SEMA5B: variants seen among roughly 807,000 people sequenced by gnomAD.
SEMA5B encodes the protein semaphorin-5B.
A neutral mutation model predicts 135.0 loss-of-function variants in SEMA5B; 66 were observed. The observed-to-expected ratio is 0.49, with a 90% CI of 0.40 to 0.60. The LOEUF (loss-of-function observed/expected upper bound fraction) is 0.60. Ranked by LOEUF, SEMA5B falls within the 20% of genes least tolerant of loss-of-function variation. The probability of loss-of-function intolerance (pLI) is 0.00; values close to 1 mark genes in which losing one functional copy is unlikely to be tolerated. For synonymous variants in SEMA5B, 690 were observed against 639.5 expected (o/e 1.08, Z -1.19); for missense variants, 1,501 against 1,566.3 (o/e 0.96, Z 0.70).
intron 5 of SEMA5B, among the ~76,000 whole-genome samples, chr3:122,938,857 G>A (rs992844505): frequency 1.3e-5 from 2 of 152,172 alleles, no homozygotes; most frequent in African/African-American, 2.4e-5. Flanking sequence ...CCATTAAAAC[G>A]CCTCTCAGAG....
intron 1 of SEMA5B, among the ~76,000 whole-genome samples, chr3:123,005,538 T>C (rs979090035): frequency 2.0e-5 from 3 of 152,164 alleles, no homozygotes; most frequent in African/African-American, 4.8e-5. Flanking sequence ...ATTTTTTGTA[T>C]GTTTTTAGAG....
intron 1 of SEMA5B, chr3:122,976,042 C>T: frequency 1.3e-6 from 2 of 1,535,138 alleles, no homozygotes; most frequent in Non-Finnish European, 1.7e-6. Flanking sequence ...GTAGAATGCC[C>T]TCTCCCAAAT....
At chr3:122,969,464 G>A (rs572875209) in intron 1 of SEMA5B, among the ~76,000 whole-genome samples, 12 of 152,286 alleles carry the variant, frequency 7.9e-5, no homozygotes, top group Admixed American at 2.6e-4. Flanking sequence ...TCCTCCCTGC[G>A]TCCTATCCCG....
chr3:122,961,391 AC>A, intron 1 of SEMA5B, 90 bp from the exon 2 acceptor site: 1 of 1,175,976 alleles, frequency 8.5e-7, no homozygotes, highest in Non-Finnish European at 1.2e-6. Context: ...TGCCCCAGGG[AC>A]CACATGGTTG....
At chr3:122,951,769 T>C (rs1206996388) in intron 2 of SEMA5B, among the ~76,000 whole-genome samples, 2 of 152,220 alleles carry the variant, frequency 1.3e-5, no homozygotes, top group African/African-American at 4.8e-5. Flanking sequence ...GATGAGCAGC[T>C]CCCAGGGTAG....
chr3:122,950,815 C>G (rs1940013118), intron 2 of SEMA5B, among the ~76,000 whole-genome samples: 1 of 152,208 alleles, frequency 6.6e-6, no homozygotes, highest in African/African-American at 2.4e-5. Flanking sequence ...TTTGAAAGAA[C>G]AGAAAGGCAG....
At chr3:122,981,291 GC>G (rs60805163) in intron 1 of SEMA5B, among the ~76,000 whole-genome samples, 66,991 of 151,908 alleles carry the variant, frequency 0.44, 16,216 homozygotes, top group African/African-American at 0.63. Flanking sequence ...CTTGTGTTGG[GC>G]CCCTGTGCCA....
chr3:122,932,481 C>A (rs1258144952), intron 5 of SEMA5B, among the ~76,000 whole-genome samples: 1 of 152,000 alleles, frequency 6.6e-6, no homozygotes, highest in Non-Finnish European at 1.5e-5. Context: ...TAGACAAAGG[C>A]CCAACTAAAG....
intron 5 of SEMA5B, among the ~76,000 whole-genome samples, chr3:122,932,866 A>C (rs1939050742): frequency 6.6e-6 from 1 of 152,156 alleles, no homozygotes. Context: ...ACACAAGTGC[A>C]CACCACCACA....
At chr3:122,965,956 T>C (rs1940799044) in intron 1 of SEMA5B, among the ~76,000 whole-genome samples, 1 of 152,148 alleles carries the variant, frequency 6.6e-6, no homozygotes, top group African/African-American at 2.4e-5. Context: ...GACACAGGTT[T>C]GTGTGGATAC....
chr3:123,019,279 C>T (rs1942625418), intron 1 of SEMA5B, among the ~76,000 whole-genome samples: 2 of 152,148 alleles, frequency 1.3e-5, no homozygotes, highest in Non-Finnish European at 1.5e-5. Flanking sequence ...GTTTCAGTTT[C>T]CTCATGAGGA....
intron 5 of SEMA5B, among the ~76,000 whole-genome samples, chr3:122,936,444 G>A (rs1027378445): frequency 2.6e-5 from 4 of 152,112 alleles, no homozygotes; most frequent in African/African-American, 7.2e-5. Flanking sequence ...GAGAGCTCAG[G>A]CATTGCCCTC....
chr3:123,004,655 G>T (rs10934634), intron 1 of SEMA5B, among the ~76,000 whole-genome samples: 131,909 of 152,262 alleles, frequency 0.87, 57,595 homozygotes, highest in East Asian at 1. Context: ...AGAGCTGGGA[G>T]TTAAGGTGCA....
intron 1 of SEMA5B, among the ~76,000 whole-genome samples, chr3:123,011,757 C>G (rs997550559): frequency 6.6e-5 from 10 of 152,298 alleles, no homozygotes; most frequent in African/African-American, 2.2e-4. Flanking sequence ...CAGTACAGGG[C>G]TAGAGAGAGG....
intron 1 of SEMA5B, chr3:122,976,145 C>A: frequency 6.5e-7 from 1 of 1,534,980 alleles, no homozygotes; most frequent in Non-Finnish European, 8.7e-7. Context: ...ACTCTCATCA[C>A]TTCCTCACCC....
chr3:122,996,762 A>G (rs991501291), intron 1 of SEMA5B, among the ~76,000 whole-genome samples: 3 of 152,194 alleles, frequency 2.0e-5, no homozygotes, highest in Non-Finnish European at 2.9e-5. Context: ...CCAAAGCCCA[A>G]GACTGCCCTG....
intron 2 of SEMA5B, among the ~76,000 whole-genome samples, chr3:122,955,263 G>A (rs959874744): frequency 2.0e-5 from 3 of 151,994 alleles, no homozygotes; most frequent in Non-Finnish European, 2.9e-5. Flanking sequence ...TGTGTCTCTC[G>A]TTTCCTTCTC....
chr3:122,930,217 T>C (rs538029779), intron 5 of SEMA5B, among the ~76,000 whole-genome samples: 2 of 152,250 alleles, frequency 1.3e-5, no homozygotes, highest in Non-Finnish European at 2.9e-5. Context: ...GACCTCTCTC[T>C]GCTTTCCAGC....
chr3:123,011,170 G>A (rs1942431334), intron 1 of SEMA5B, among the ~76,000 whole-genome samples: 1 of 152,194 alleles, frequency 6.6e-6, no homozygotes, highest in South Asian at 2.1e-4. Context: ...ACCCCCATCA[G>A]AGCGGCAGAG....
Sources: allele counts gnomAD v4.1 joint callset (sites outside exome capture counted in the v4.1 genomes callset), GRCh38; gene constraint gnomAD v4.1.1; transcripts MANE v1.5; gene names NCBI Gene and HGNC (gene_info 2026-07-23, HGNC 2026-07-21).